NELL1: variants seen among roughly 807,000 people sequenced by gnomAD.
NELL1 encodes protein kinase C-binding protein NELL1.
A neutral mutation model predicts 107.4 loss-of-function variants in NELL1; 76 were observed. The ratio of observed to expected loss-of-function variants is 0.71; its 90% CI spans 0.59 to 0.86. The LOEUF is 0.86. Ranked by LOEUF, NELL1 falls within the 40% of genes least tolerant of loss-of-function variation. NELL1 has a pLI of 0.00. For synonymous variants in NELL1, 353 were observed against 341.2 expected (o/e 1.03, Z -0.38); for missense variants, 1,024 against 1,005.5 (o/e 1.02, Z -0.25).
chr11:20,754,139 T>C (rs1856206014), intron 2 of NELL1, among the ~76,000 whole-genome samples: 1 of 152,106 alleles, frequency 6.6e-6, no homozygotes, highest in African/African-American at 2.4e-5. Context: ...AAAATCACTG[T>C]GTAGCTACCA....
At chr11:21,060,342 T>A (rs1853709506) in intron 12 of NELL1, among the ~76,000 whole-genome samples, 1 of 152,224 alleles carries the variant, frequency 6.6e-6, no homozygotes, top group Admixed American at 6.5e-5. Context: ...TAAATCAAAC[T>A]ATGCATGTTA....
intron 2 of NELL1, among the ~76,000 whole-genome samples, chr11:20,697,822 G>T (rs1181147687): frequency 6.6e-6 from 1 of 152,152 alleles, no homozygotes; most frequent in Non-Finnish European, 1.5e-5. Flanking sequence ...AAGATGTACA[G>T]GAGTTAAATA....
intron 15 of NELL1, among the ~76,000 whole-genome samples, chr11:21,388,532 C>T (rs145260812): frequency 5.9e-5 from 9 of 151,904 alleles, no homozygotes; most frequent in Admixed American, 2.6e-4. Flanking sequence ...TTTCTCTTTG[C>T]AGCATCTCAA....
chr11:21,146,401 A>C (rs1855979427), intron 13 of NELL1, among the ~76,000 whole-genome samples: 1 of 152,184 alleles, frequency 6.6e-6, no homozygotes, highest in South Asian at 2.1e-4. Context: ...TGAGGGGAAG[A>C]AATAGTGGTG....
Position 20,927,325 on chromosome 11 carries a change from A to T in NELL1, c.777A>T (p.Thr259=). The T allele has an allele frequency of 6.2e-7, 1 of 1,611,708 alleles. No homozygotes were observed. Residue 259 remains threonine (T), a synonymous_variant, in exon 8 of 20, where the codon ACA becomes ACT. Coordinates refer to ENST00000357134, the MANE Select transcript of NELL1 (RefSeq NM_006157.5). ...GTTTGCAGCTAAATTATGCAGAGAC[A>T]AGACTTAGTCAATTGGAAAACTGTC... ...KMTAKLNYAE[T]RLSQLENCHC...
intron 13 of NELL1, among the ~76,000 whole-genome samples, chr11:21,212,144 G>T (rs1857510986): frequency 6.6e-6 from 1 of 152,042 alleles, no homozygotes; most frequent in African/African-American, 2.4e-5. Context: ...TAGTTTGATA[G>T]TGGCTACCCT....
At chr11:21,498,605 C>T (rs1321974076) in intron 15 of NELL1, among the ~76,000 whole-genome samples, 2 of 151,618 alleles carry the variant, frequency 1.3e-5, no homozygotes, top group Non-Finnish European at 2.9e-5. Context: ...CAAATAATGT[C>T]TCAATTAATA....
intron 12 of NELL1, among the ~76,000 whole-genome samples, chr11:20,997,966 T>C (rs1852128259): frequency 6.6e-6 from 1 of 151,946 alleles, no homozygotes; most frequent in South Asian, 2.1e-4. Context: ...ACCAAGACCC[T>C]ATCTCTAAAC....
chr11:21,422,474 T>G (rs966245035), intron 15 of NELL1, among the ~76,000 whole-genome samples: 3 of 152,046 alleles, frequency 2.0e-5, no homozygotes, highest in Admixed American at 6.5e-5. Context: ...TTTACACAAT[T>G]TAAGAGACTA....
chr11:20,876,328 G>T (rs1849303668), intron 4 of NELL1, among the ~76,000 whole-genome samples: 2 of 152,176 alleles, frequency 1.3e-5, no homozygotes, highest in South Asian at 4.1e-4. Flanking sequence ...GTGTCATCTG[G>T]ATTTGTTAAA....
chr11:21,106,279 A>T (rs955845778), intron 12 of NELL1, among the ~76,000 whole-genome samples: 4 of 152,026 alleles, frequency 2.6e-5, no homozygotes, highest in Non-Finnish European at 4.4e-5. Flanking sequence ...GACCTTAGAC[A>T]ATTTACTGCA....
chr11:21,133,651 C>A (rs1855675735), intron 13 of NELL1, among the ~76,000 whole-genome samples: 2 of 148,614 alleles, frequency 1.3e-5, no homozygotes, highest in Admixed American at 1.4e-4. Flanking sequence ...CAAAAGCACC[C>A]AGGTTTGGCC....
intron 15 of NELL1, among the ~76,000 whole-genome samples, chr11:21,380,025 CTG>C (rs1287259272): frequency 6.6e-6 from 1 of 152,100 alleles, no homozygotes; most frequent in Non-Finnish European, 1.5e-5. Context: ...TATCACAGGA[CTG>C]TGGCAAGGGC....
intron 3 of NELL1, among the ~76,000 whole-genome samples, chr11:20,821,525 A>G (rs1857753052): frequency 6.6e-6 from 1 of 152,164 alleles, no homozygotes; most frequent in African/African-American, 2.4e-5. Context: ...ATTGTAAAAC[A>G]TCTTGAATTG....
intron 16 of NELL1, among the ~76,000 whole-genome samples, chr11:21,543,499 T>C (rs1386653753): frequency 2.0e-5 from 3 of 151,972 alleles, no homozygotes; most frequent in African/African-American, 7.2e-5. Flanking sequence ...AGATCAGTAT[T>C]ATCAGGGTGC....
intron 14 of NELL1, among the ~76,000 whole-genome samples, chr11:21,318,914 C>G (rs1167505470): frequency 6.6e-6 from 1 of 151,968 alleles, no homozygotes; most frequent in Non-Finnish European, 1.5e-5. Flanking sequence ...TAGTAAATGG[C>G]TAGGCTTTTT....
intron 13 of NELL1, among the ~76,000 whole-genome samples, chr11:21,212,176 T>C (rs1220206985): frequency 2.6e-5 from 4 of 152,168 alleles, no homozygotes; most frequent in Non-Finnish European, 5.9e-5. Flanking sequence ...ACCATCATAT[T>C]AATATAATAT....
intron 2 of NELL1, among the ~76,000 whole-genome samples, chr11:20,705,231 C>G (rs1029339617): frequency 2.0e-4 from 30 of 152,138 alleles, no homozygotes; most frequent in Non-Finnish European, 4.1e-4. Context: ...AAGAACAAAG[C>G]TGGATGCATC....
intron 12 of NELL1, among the ~76,000 whole-genome samples, chr11:20,988,877 C>A (rs768102477): frequency 6.6e-6 from 1 of 152,046 alleles, no homozygotes; most frequent in East Asian, 1.9e-4. Flanking sequence ...TATGAGCCAC[C>A]GTGCCCGGCC....
Sources: gnomAD v4.1 joint callset for allele counts (sites outside exome capture counted in the v4.1 genomes callset) on GRCh38, gnomAD v4.1.1 for gene constraint, MANE v1.5 for transcripts, NCBI Gene and HGNC (gene_info 2026-07-23, HGNC 2026-07-21) for gene names.